The following WDFY4 variants were observed in gnomAD, a reference collection of about 807,000 sequenced individuals.
WDFY4 encodes the protein WDFY family member 4, also known as WD repeat- and FYVE domain-containing protein 4.
A neutral mutation model predicts 351.9 loss-of-function variants in WDFY4; 169 were observed. The ratio of observed to expected loss-of-function variants is 0.48; its 90% CI spans 0.42 to 0.55. The LOEUF is 0.55. Among genes scored for constraint, WDFY4 ranks in the 20% least tolerant of loss-of-function variants. WDFY4 has a pLI of 0.00. For missense variants in WDFY4, 3,803 were observed against 3,935.6 expected (o/e 0.97, Z 0.90); for synonymous variants, 1,622 against 1,574.6 (o/e 1.03, Z -0.71).
At chr10:48,786,512 G>T in intron 19 of WDFY4, 127 bp from the exon 20 acceptor site, 1 of 736,022 alleles carries the variant, frequency 1.4e-6, no homozygotes, top group Non-Finnish European at 2.1e-6. Flanking sequence ...TTATATTTTA[G>T]TTTTTTAGAT....
intron 40 of WDFY4, among the ~76,000 whole-genome samples, chr10:48,867,791 T>C (rs1017634251): frequency 6.6e-6 from 1 of 152,252 alleles, no homozygotes; most frequent in Non-Finnish European, 1.5e-5. Context: ...TATTTGGTGT[T>C]ACTGTTATTA....
At chr10:48,785,005 C>T (rs368536884) in intron 19 of WDFY4, among the ~76,000 whole-genome samples, 7 of 151,458 alleles carry the variant, frequency 4.6e-5, no homozygotes, top group East Asian at 2.0e-4. Flanking sequence ...CTACAGGCAC[C>T]CACCACCATG....
At chr10:48,953,486 C>A (rs1841440374) in intron 51 of WDFY4, among the ~76,000 whole-genome samples, 1 of 152,196 alleles carries the variant, frequency 6.6e-6, no homozygotes, top group Non-Finnish European at 1.5e-5. Context: ...CCTGCCCAAG[C>A]CAGTCTGCTT....
intron 39 of WDFY4, among the ~76,000 whole-genome samples, chr10:48,834,162 T>C (rs2068296574): frequency 6.6e-6 from 1 of 152,224 alleles, no homozygotes; most frequent in South Asian, 2.1e-4. Context: ...AGTTCATTGA[T>C]AGACTCACTG....
intron 12 of WDFY4, among the ~76,000 whole-genome samples, chr10:48,754,953 G>A (rs1409222530): frequency 6.6e-6 from 1 of 152,124 alleles, no homozygotes; most frequent in Non-Finnish European, 1.5e-5. Flanking sequence ...TTCACATGAA[G>A]TAAAAGTCTC....
intron 1 of WDFY4, among the ~76,000 whole-genome samples, chr10:48,689,474 A>G (rs1271435774): frequency 1.3e-5 from 2 of 152,276 alleles, no homozygotes; most frequent in African/African-American, 2.4e-5. Flanking sequence ...TCAGTACCTG[A>G]AAATATTGAT....
At chr10:48,913,422 G>A in intron 47 of WDFY4, 2 of 1,612,728 alleles carry the variant, frequency 1.2e-6, no homozygotes, top group Non-Finnish European at 1.7e-6. Flanking sequence ...CTTGGCCATG[G>A]AATTGGGTGA....
chr10:48,897,542 C>T lies in WDFY4; in HGVS notation c.7405C>T (p.Arg2469Trp), dbSNP rs748244838. The change falls in exon 45 of 62, where the codon CGG becomes TGG. Residue 2469 changes from arginine to tryptophan, a missense_variant. Coordinates refer to ENST00000325239, the MANE Select transcript of WDFY4 (RefSeq NM_001394531.1). The part of the protein sequence containing the change: ...SCQCHSYADM[R>W]ELRQARFLLQ... Reference sequence around the variant, plus strand: ...CCAGTGCCACAGCTACGCTGACATGCGGGAGCTACGGCAGGCTCGCTTCCT... The same window carrying T: ...CCAGTGCCACAGCTACGCTGACATGTGGGAGCTACGGCAGGCTCGCTTCCT... 13 of 1,550,090 alleles carry T rather than the reference C, an allele frequency of 8.4e-6. No homozygotes were observed. The South Asian group carries it at 1.2e-4, about 14-fold the overall frequency.
intron 53 of WDFY4, 30 bp from the exon 54 acceptor site, chr10:48,963,812 G>A: frequency 3.2e-6 from 5 of 1,549,920 alleles, no homozygotes; most frequent in Non-Finnish European, 4.4e-6. Context: ...AGTGGCCTGG[G>A]TTTTAATGCT....
At chr10:48,782,320 C>T (rs2076559900) in intron 19 of WDFY4, among the ~76,000 whole-genome samples, 1 of 152,202 alleles carries the variant, frequency 6.6e-6, no homozygotes, top group South Asian at 2.1e-4. Flanking sequence ...TACCTTGAGG[C>T]ATGTCTTATT....
At chr10:48,898,393 G>A (rs1331521903) in intron 45 of WDFY4, among the ~76,000 whole-genome samples, 10 of 151,994 alleles carry the variant, frequency 6.6e-5, no homozygotes, top group Non-Finnish European at 1.2e-4. Flanking sequence ...GCAGAAAAGG[G>A]GATCCTAGGG....
intron 2 of WDFY4, among the ~76,000 whole-genome samples, chr10:48,710,965 C>T (rs1055144994): frequency 6.6e-6 from 1 of 152,170 alleles, no homozygotes; most frequent in Non-Finnish European, 1.5e-5. Flanking sequence ...TTAGTGTTTA[C>T]TTGACTATGG....
chr10:48,828,228 C>G (rs142839359), intron 36 of WDFY4, among the ~76,000 whole-genome samples: 27 of 152,290 alleles, frequency 1.8e-4, no homozygotes, highest in African/African-American at 6.5e-4. Context: ...CCACTGTGTC[C>G]CCACTTACAA....
intron 55 of WDFY4, 182 bp downstream of exon 55, chr10:48,966,855 G>C: frequency 8.4e-6 from 7 of 830,510 alleles, no homozygotes; most frequent in Non-Finnish European, 1.3e-5. Context: ...GTGTCTAGGA[G>C]CTCCTCTGTT....
chr10:48,814,004 G>T lies in WDFY4; in HGVS notation c.5262G>T (p.Gln1754His), dbSNP rs962963451. The T allele has an allele frequency of 1.9e-6, 3 of 1,550,784 alleles. No homozygotes were observed. In the Middle Eastern group the frequency reaches 5.0e-4, roughly 259 times the overall value. ...AGTGGCTCCTGCAGAGGCACCACCA[G>T]GAAGAAGTCCTCCAGGCTGGGCTGT... ...MLQWLLQRHH[Q>H]EEVLQAGLCT... The change falls in exon 31 of 62, where the codon CAG becomes CAT. Residue 1754 changes from glutamine (Q) to histidine (H), a missense_variant. By Grantham distance (24) the Gln-to-His change is conservative (BLOSUM62 0). Coordinates refer to ENST00000325239, the MANE Select transcript of WDFY4 (RefSeq NM_001394531.1).
chr10:48,943,134 C>G (rs533173648), intron 48 of WDFY4, among the ~76,000 whole-genome samples, 196 bp from the exon 49 acceptor site: 1 of 151,966 alleles, frequency 6.6e-6, no homozygotes, highest in African/African-American at 2.4e-5. Context: ...CTTTGCTTCC[C>G]GAATATACTT....
intron 51 of WDFY4, among the ~76,000 whole-genome samples, chr10:48,950,021 A>T (rs907804039): frequency 1.3e-5 from 2 of 152,148 alleles, no homozygotes; most frequent in Non-Finnish European, 2.9e-5. Flanking sequence ...AAACTATTTT[A>T]TACTTATTTG....
intron 39 of WDFY4, among the ~76,000 whole-genome samples, chr10:48,850,867 A>G (rs1278383613): frequency 2.0e-5 from 3 of 152,364 alleles, no homozygotes; most frequent in South Asian, 4.1e-4. Flanking sequence ...AAGCTTCATC[A>G]TGCCACTACC....
At chr10:48,940,240 A>G (rs1373545136) in intron 47 of WDFY4, among the ~76,000 whole-genome samples, 1 of 152,248 alleles carries the variant, frequency 6.6e-6, no homozygotes, top group African/African-American at 2.4e-5. Flanking sequence ...CAGGAGAACC[A>G]TATCTTCACT....
Sources: allele counts gnomAD v4.1 joint callset (sites outside exome capture counted in the v4.1 genomes callset), GRCh38; gene constraint gnomAD v4.1.1; transcripts MANE v1.5; gene names NCBI Gene and HGNC (gene_info 2026-07-23, HGNC 2026-07-21).